MINDY2: variants seen among roughly 807,000 people sequenced by gnomAD.
The protein encoded by MINDY2 is MINDY lysine 48 deubiquitinase 2, also known as ubiquitin carboxyl-terminal hydrolase MINDY-2.
Under a neutral mutation model 68.2 loss-of-function variants are expected in MINDY2, and 52 were observed. That is an observed-to-expected ratio of 0.76 (90% CI 0.61 to 0.96). MINDY2 has a LOEUF of 0.96. MINDY2 is among the 40% of genes least tolerant of loss of function. MINDY2 has a pLI of 0.00. For synonymous variants in MINDY2, 372 were observed against 303.0 expected, an observed-to-expected ratio of 1.23 and a Z score of -2.36; for missense variants, 881 against 773.4, an observed-to-expected ratio of 1.14 and a Z score of -1.65.
chr15:58,852,076 C>T, intron 8 of MINDY2, 111 bp downstream of exon 8: 1 of 781,594 alleles, frequency 1.3e-6, no homozygotes. Flanking sequence ...TGCTTGAGCC[C>T]AGGAGTTCGA....
At chr15:58,817,475 C>T (rs1289634310) in intron 4 of MINDY2, among the ~76,000 whole-genome samples, 1 of 152,186 alleles carries the variant, frequency 6.6e-6, no homozygotes, top group South Asian at 2.1e-4. Context: ...CCTGTAATCC[C>T]AGCACTTTGG....
intron 1 of MINDY2, among the ~76,000 whole-genome samples, chr15:58,779,932 A>G (rs1330983982): frequency 6.6e-6 from 1 of 152,162 alleles, no homozygotes; most frequent in Non-Finnish European, 1.5e-5. Flanking sequence ...GGTGAAGGAC[A>G]TTTGGGCCCA....
Position 58,787,968 on chromosome 15 carries a change from G to A in MINDY2, c.898+5G>A, listed in dbSNP as rs903354299. ...AGCAGCTGATGGAATATTTAGGTTA[G>A]TGTTGAAAAGTGGATTTTATATCTC... On this transcript the variant is annotated splice_donor_5th_base_variant and intron_variant, in intron 2 of 8. Coordinates refer to ENST00000559228, the MANE Select transcript of MINDY2 (RefSeq NM_001040450.3). The A allele has an allele frequency of 6.4e-7, 1 of 1,564,324 alleles. No homozygotes were observed. Among genetic ancestry groups the A allele is most frequent in the Non-Finnish European group, 8.6e-7 (1 of 1,156,818 alleles).
At chr15:58,805,690 G>A (rs556560093) in intron 3 of MINDY2, among the ~76,000 whole-genome samples, 1 of 152,232 alleles carries the variant, frequency 6.6e-6, no homozygotes, top group African/African-American at 2.4e-5. Flanking sequence ...GTATAATTTG[G>A]AATTAGGAAC....
intron 4 of MINDY2, among the ~76,000 whole-genome samples, chr15:58,812,966 A>G (rs1377814835): frequency 3.9e-5 from 6 of 152,102 alleles, no homozygotes; most frequent in Non-Finnish European, 5.9e-5. Context: ...CTTCTCTCAC[A>G]CCCTTACCCT....
At chr15:58,809,524 G>A (rs937651952) in intron 3 of MINDY2, among the ~76,000 whole-genome samples, 8 of 152,130 alleles carry the variant, frequency 5.3e-5, no homozygotes, top group African/African-American at 1.2e-4. Context: ...TGCAATGAGC[G>A]TGGGTGTACA....
chr15:58,816,763 C>T (rs1312893872), intron 4 of MINDY2, among the ~76,000 whole-genome samples: 1 of 152,148 alleles, frequency 6.6e-6, no homozygotes. Flanking sequence ...CTACAACTCA[C>T]ACCGCAAAAT....
At chr15:58,785,566 C>G (rs540959538) in intron 1 of MINDY2, among the ~76,000 whole-genome samples, 1 of 152,274 alleles carries the variant, frequency 6.6e-6, no homozygotes, top group Non-Finnish European at 1.5e-5. Flanking sequence ...GAAAAACAGA[C>G]AGTCGACAGT....
chr15:58,803,789 C>G (rs1902831703), intron 3 of MINDY2, among the ~76,000 whole-genome samples: 1 of 151,658 alleles, frequency 6.6e-6, no homozygotes, highest in African/African-American at 2.4e-5. Context: ...ACACTCCGTC[C>G]TGGGCAGCAG....
intron 1 of MINDY2, among the ~76,000 whole-genome samples, chr15:58,777,660 A>G (rs1900859818): frequency 6.6e-6 from 1 of 152,196 alleles, no homozygotes; most frequent in Non-Finnish European, 1.5e-5. Flanking sequence ...AATCTGTTGA[A>G]TAGTTGAGCT....
chr15:58,771,565 C>T lies in MINDY2; in HGVS notation c.170C>T (p.Ala57Val), dbSNP rs1323437871. 6.2e-7 allele frequency: 1 copy of T among 1,610,846 alleles called. No individual in the cohort carries two copies. Among genetic ancestry groups the T allele is most frequent in the Non-Finnish European group, 8.5e-7 (1 of 1,179,480 alleles). ...AGCGGCGGGAATGGGCTGGGGGCGG[C>T]GGCCGCCAGGAGGAGCCTCCCGGAC... ...ETSGGNGLGA[A>V]AARRSLPDSA... Residue 57 changes from alanine to valine, a missense_variant, in exon 1 of 9, where the codon GCG becomes GTG. By Grantham distance (64) the Ala-to-Val change is moderately conservative. Transcript: ENST00000559228.
chr15:58,778,575 CA>C (rs1248154028), intron 1 of MINDY2, among the ~76,000 whole-genome samples: 1 of 150,684 alleles, frequency 6.6e-6, no homozygotes, highest in Non-Finnish European at 1.5e-5. Context: ...AATCAAAACA[CA>C]CTAAAAACTA....
chr15:58,772,736 T>C (rs1427891248), intron 1 of MINDY2, among the ~76,000 whole-genome samples: 1 of 152,230 alleles, frequency 6.6e-6, no homozygotes, highest in Non-Finnish European at 1.5e-5. Context: ...TGTGGCTCTT[T>C]AGACAAATTC....
intron 2 of MINDY2, among the ~76,000 whole-genome samples, chr15:58,795,794 C>G (rs1268892932): frequency 6.6e-6 from 1 of 151,690 alleles, no homozygotes; most frequent in African/African-American, 2.4e-5. Context: ...TGGCCACCCT[C>G]CCTCCTGCAC....
chr15:58,824,671 C>CTTT (rs559754099), intron 5 of MINDY2, among the ~76,000 whole-genome samples: 2 of 135,180 alleles, frequency 1.5e-5, no homozygotes, highest in East Asian at 2.1e-4. Flanking sequence ...ATCATATTAT[C>CTTT]TTTTTTTTTT....
At chr15:58,825,299 A>C (rs2031322001) in intron 5 of MINDY2, among the ~76,000 whole-genome samples, 2 of 152,196 alleles carry the variant, frequency 1.3e-5, no homozygotes, top group African/African-American at 4.8e-5. Flanking sequence ...CTTGATTCTA[A>C]TGCCTTATAA....
rs776005436 is a variant in MINDY2, at chr15:58,771,598, C to T, written c.203C>T (p.Ser68Phe). Reference protein sequence around the residue: ...AARRSLPDSASPAGSPEVPGP... With the variant: ...AARRSLPDSAFPAGSPEVPGP... ...AGGAGGAGCCTCCCGGACTCGGCTT[C>T]TCCCGCGGGCTCTCCTGAGGTTCCC... The change falls in exon 1 of 9, where the codon TCT becomes TTT. Residue 68 changes from serine (S) to phenylalanine (F), a missense_variant. Transcript: ENST00000559228. 44 of 1,611,676 alleles carry T rather than the reference C, an allele frequency of 2.7e-5. 1 individual carries two copies. In the South Asian group the frequency reaches 4.6e-4, roughly 17 times the overall value.
intron 2 of MINDY2, among the ~76,000 whole-genome samples, chr15:58,794,355 T>G (rs998155054): frequency 3.8e-4 from 38 of 100,692 alleles, no homozygotes; most frequent in South Asian, 1.3e-3. Context: ...AAGTTTTTTT[T>G]GGGGTGTGTG....
At chr15:58,838,576 T>G (rs912764952) in intron 6 of MINDY2, among the ~76,000 whole-genome samples, 5 of 141,352 alleles carry the variant, frequency 3.5e-5, no homozygotes, top group Non-Finnish European at 7.5e-5. Flanking sequence ...GGGCTACTTT[T>G]TAGGGATTTT....
Sources: gnomAD v4.1 joint callset for allele counts (sites outside exome capture counted in the v4.1 genomes callset) on GRCh38, gnomAD v4.1.1 for gene constraint, MANE v1.5 for transcripts, NCBI Gene and HGNC (gene_info 2026-07-23, HGNC 2026-07-21) for gene names.